The following DOCK10 variants were observed in gnomAD, a reference collection of about 807,000 sequenced individuals.
DOCK10 encodes dedicator of cytokinesis protein 10.
In DOCK10, 145 loss-of-function variants were observed where a neutral mutation model predicts 280.1. The ratio of observed to expected loss-of-function variants is 0.52; its 90% CI spans 0.45 to 0.59. DOCK10 has a LOEUF of 0.59. DOCK10 is among the 20% of genes least tolerant of loss of function. The pLI is 0.00. For synonymous variants in DOCK10, 915 were observed against 942.2 expected, an observed-to-expected ratio of 0.97 and a Z score of 0.53; for missense variants, 2,368 against 2,651.7, an observed-to-expected ratio of 0.89 and a Z score of 2.35.
intron 1 of DOCK10, among the ~76,000 whole-genome samples, chr2:225,014,081 A>ATATATATATATATATATAT (rs776104946): frequency 2.9e-4 from 28 of 96,812 alleles, no homozygotes; most frequent in African/African-American, 1.2e-3. Flanking sequence ...GTCTGAATAT[A>ATATATATATATATATATAT]TTGTTTTTTT....
chr2:224,942,116 G>T (rs1336190982), intron 1 of DOCK10, among the ~76,000 whole-genome samples: 1 of 152,180 alleles, frequency 6.6e-6, no homozygotes, highest in Non-Finnish European at 1.5e-5. Flanking sequence ...CTCACTTCTG[G>T]TTTAACTCTT....
At chr2:224,939,969 AT>A (rs1559817815) in intron 1 of DOCK10, among the ~76,000 whole-genome samples, 1 of 152,082 alleles carries the variant, frequency 6.6e-6, no homozygotes, top group Non-Finnish European at 1.5e-5. Flanking sequence ...TAGTACTAGC[AT>A]TTTAATTTCC....
intron 3 of DOCK10, among the ~76,000 whole-genome samples, chr2:224,900,860 T>C (rs894059626): frequency 5.9e-5 from 9 of 152,248 alleles, no homozygotes; most frequent in African/African-American, 2.2e-4. Flanking sequence ...TATTCCTTGA[T>C]TATTAAAAAT....
intron 2 of DOCK10, among the ~76,000 whole-genome samples, chr2:224,921,112 A>AAAAAATATATATATATATATAT: frequency 3.7e-5 from 2 of 54,426 alleles, no homozygotes; most frequent in African/African-American, 1.6e-4. Flanking sequence ...AAAAAAAAAA[A>AAAAAATATATATATATATATAT]ATATATATAT....
Position 224,931,638 on chromosome 2 carries a change from C to A in DOCK10, c.154G>T (p.Asp52Tyr). The A allele has an allele frequency of 6.2e-7, 1 of 1,610,146 alleles. No homozygotes were observed. The highest frequency in any genetic ancestry group is 1.1e-5 in the South Asian group (1 of 90,180). ...AGTTCTTCAATGACAGTCTCATAAT[C>A]CAAAGGCTCGAGAAGCCTAGGCTTT... is the stretch of plus-strand genomic sequence containing the variant. ...QEKPRLLEPL[D>Y]YETVIEELEK... Residue 52 changes from aspartate to tyrosine, a missense_variant, in exon 2 of 56, where the codon GAT (aspartate) becomes TAT (tyrosine). Physicochemically the swap from Asp to Tyr is radical, Grantham distance 160. Around this residue, in one of 2 missense-constraint regions of DOCK10, gnomAD observed 1,209 missense variants for 1,250.9 expected, o/e 0.97. Coordinates refer to ENST00000258390, the MANE Select transcript of DOCK10 (RefSeq NM_014689.3).
At chr2:225,002,305 C>T (rs1216250067) in intron 1 of DOCK10, among the ~76,000 whole-genome samples, 1 of 152,086 alleles carries the variant, frequency 6.6e-6, no homozygotes, top group Admixed American at 6.5e-5. Context: ...CCATTTTGCC[C>T]TTTAAAAATG....
rs1177406869 is a variant in DOCK10 at position 224,919,095 on chromosome 2, A to ATGTATGTGTGGTGAGTTTATG, written c.244-2332_244-2312dup. Reference sequence around the variant, plus strand: ...GTGTGTGTGTGTGGGGAGTGTGTGTATGTATGTGTGGTGAGTTTATGTGTA... The same window carrying ATGTATGTGTGGTGAGTTTATG: ...GTGTGTGTGTGTGGGGAGTGTGTGTATGTATGTGTGGTGAGTTTATGTGTATGTGTGGTGAGTTTATGTGTA... On this transcript the variant is annotated intron_variant, in intron 2 of 55. Coordinates refer to ENST00000258390, the MANE Select transcript of DOCK10 (RefSeq NM_014689.3). 1.7e-3 allele frequency among the ~76,000 whole-genome samples: 210 copies of ATGTATGTGTGGTGAGTTTATG among 126,204 alleles called. 1 individual carries two copies. The Middle Eastern group carries it at 0.035, about 21-fold the overall frequency. The allele number at this position is 126,204 out of a possible 152,430, so 82.8% of individuals were successfully genotyped here. A position where few individuals can be genotyped will look rare whatever the true frequency, so the allele number is the denominator to read the frequency against.
intron 1 of DOCK10, among the ~76,000 whole-genome samples, chr2:225,011,864 T>G (rs73083785): frequency 1.5e-3 from 236 of 152,272 alleles, no homozygotes; most frequent in African/African-American, 5.2e-3. Flanking sequence ...CAAAACGACC[T>G]GAGCTGCTCT....
chr2:224,815,442 T>C (rs1694068928), intron 30 of DOCK10, among the ~76,000 whole-genome samples: 1 of 152,062 alleles, frequency 6.6e-6, no homozygotes, highest in African/African-American at 2.4e-5. Flanking sequence ...TCAGCCTGGC[T>C]AACCAATAAT....
chr2:224,858,397 G>A (rs750305059), intron 14 of DOCK10, among the ~76,000 whole-genome samples: 19 of 151,946 alleles, frequency 1.3e-4, no homozygotes, highest in Non-Finnish European at 2.9e-5. Flanking sequence ...GGTGGCTCAC[G>A]CCTGTAATCC....
chr2:224,791,043 C>T (rs925392900), intron 47 of DOCK10, among the ~76,000 whole-genome samples: 20 of 152,244 alleles, frequency 1.3e-4, no homozygotes, highest in Admixed American at 8.5e-4. Flanking sequence ...GATGGACATA[C>T]ATTATATTCT....
chr2:224,855,650 C>A (rs983095098), intron 15 of DOCK10, among the ~76,000 whole-genome samples: 1 of 152,186 alleles, frequency 6.6e-6, no homozygotes, highest in Admixed American at 6.5e-5. Flanking sequence ...CCCACTCTCT[C>A]TCTATTAAAA....
chr2:224,857,020 T>C (rs1290188699), intron 14 of DOCK10, 38 bp from the exon 15 acceptor site: 1 of 1,538,946 alleles, frequency 6.5e-7, no homozygotes, highest in South Asian at 1.3e-5. Flanking sequence ...TAGTTGGATA[T>C]TGTTTATAAA....
chr2:224,877,922 A>G (rs984309064), intron 7 of DOCK10, among the ~76,000 whole-genome samples: 39 of 152,236 alleles, frequency 2.6e-4, no homozygotes, highest in African/African-American at 8.9e-4. Flanking sequence ...ACCGGTGTCC[A>G]GCTTTTATCA....
chr2:224,793,534 A>G, intron 45 of DOCK10, 77 bp from the exon 46 acceptor site: 1 of 1,124,120 alleles, frequency 8.9e-7, no homozygotes, highest in Middle Eastern at 2.0e-4. Context: ...AAGGCGAGTC[A>G]GTATTCCATA....
chr2:224,864,732 C>T (rs753484786), intron 12 of DOCK10, 57 bp from the exon 13 acceptor site: 18 of 1,577,734 alleles, frequency 1.1e-5, no homozygotes, highest in East Asian at 4.5e-5. Flanking sequence ...TAGACATTTA[C>T]AAAATTCCAT....
chr2:224,926,932 T>C (rs1481047626), intron 2 of DOCK10, among the ~76,000 whole-genome samples: 1 of 152,258 alleles, frequency 6.6e-6, no homozygotes, highest in Non-Finnish European at 1.5e-5. Flanking sequence ...AAGAAGTCTC[T>C]GTCCTGCTAG....
rs765766530 is a variant in DOCK10, at chr2:224,805,338, A to G, written c.3937-18T>C. On this transcript the variant is annotated intron_variant, in intron 35 of 55. Coordinates refer to ENST00000258390, the MANE Select transcript of DOCK10 (RefSeq NM_014689.3). This position sits in a 1 kb window ranked among gnomAD's most constrained non-coding sequence, Gnocchi z 4.3. Reference sequence around the variant, plus strand: ...CTTGGGATCTGGGAATTCAAGAACCAATCAGGATTGAGTGAGAGTGAGTGA... The same window carrying G: ...CTTGGGATCTGGGAATTCAAGAACCGATCAGGATTGAGTGAGAGTGAGTGA... 1.9e-6 allele frequency: 3 copies of G among 1,612,774 alleles called. No homozygotes were observed. The East Asian group carries it at 6.7e-5, about 36-fold the overall frequency.
intron 2 of DOCK10, 117 bp downstream of exon 2, chr2:224,931,432 G>C: frequency 8.6e-7 from 1 of 1,157,064 alleles, no homozygotes; most frequent in Non-Finnish European, 1.2e-6. Context: ...CTGCTGCAGA[G>C]ACTGAGATGT....
Sources: gnomAD v4.1 joint callset for allele counts (sites outside exome capture counted in the v4.1 genomes callset) on GRCh38, gnomAD v4.1.1 for gene constraint, gnomAD v4.1.1 regional missense constraint, Gnocchi (gnomAD v3.1) non-coding constraint, MANE v1.5 for transcripts, NCBI Gene and HGNC (gene_info 2026-07-23, HGNC 2026-07-21) for gene names.